HIRA: variants seen among roughly 807,000 people sequenced by gnomAD.
HIRA encodes protein HIRA.
HIRA carries 13 observed loss-of-function variants against 126.6 expected under a neutral mutation model. The observed-to-expected ratio is 0.10, with a 90% CI of 0.07 to 0.16. The LOEUF is 0.16. HIRA is among the 10% of genes least tolerant of loss of function. HIRA has a pLI of 1.00. For missense variants in HIRA, 834 were observed against 1,314.4 expected, an observed-to-expected ratio of 0.63 and a Z score of 5.65; for synonymous variants, 511 against 520.0, an observed-to-expected ratio of 0.98 and a Z score of 0.24.
rs782339260 is a variant in HIRA, at chr22:19,351,204, G to A, written c.2937+154C>T. On this transcript the variant is annotated intron_variant, in intron 24 of 24. Transcript: ENST00000263208. The surrounding 1 kb of genome is among the most constrained non-coding windows in gnomAD (Gnocchi z 4.8). ...TCCTGCCAGGTTGTGGAGGGCCGTCGGCATGTCACCCTCTCACTGATGCTG... is the reference window on the plus strand; with the variant it reads ...TCCTGCCAGGTTGTGGAGGGCCGTCAGCATGTCACCCTCTCACTGATGCTG... 7 of 985,194 alleles carry A rather than the reference G, an allele frequency of 7.1e-6. No homozygotes were observed. Among genetic ancestry groups the A allele is most frequent in the Admixed American group, 6.2e-5 (1 of 16,260 alleles). The allele number at this position is 985,194 out of a possible 1,614,324, so 61.0% of individuals were successfully genotyped here.
chr22:19,416,622 C>T (rs765269293), intron 1 of HIRA, among the ~76,000 whole-genome samples: 1 of 152,102 alleles, frequency 6.6e-6, no homozygotes, highest in Admixed American at 6.6e-5. Context: ...TATAGGCGTG[C>T]ACCACTGCAT....
chr22:19,372,263 C>T (rs1229143104), intron 15 of HIRA, among the ~76,000 whole-genome samples: 1 of 152,212 alleles, frequency 6.6e-6, no homozygotes, highest in Admixed American at 6.5e-5. Flanking sequence ...ACTATCTGAT[C>T]TTTTAATTAC....
At chr22:19,340,936 T>G (rs1299272010) in intron 24 of HIRA, among the ~76,000 whole-genome samples, 2 of 152,202 alleles carry the variant, frequency 1.3e-5, no homozygotes, top group African/African-American at 2.4e-5. Context: ...ACCATACTGC[T>G]AAGAGCAATC....
At chr22:19,391,543 G>A (rs554666141) in intron 9 of HIRA, among the ~76,000 whole-genome samples, 7 of 149,962 alleles carry the variant, frequency 4.7e-5, no homozygotes, top group Non-Finnish European at 7.4e-5. Flanking sequence ...GTGCAGTGGC[G>A]CGGTCTCAGC....
intron 1 of HIRA, among the ~76,000 whole-genome samples, chr22:19,411,313 A>G (rs2089350221): frequency 6.6e-6 from 1 of 152,162 alleles, no homozygotes; most frequent in Non-Finnish European, 1.5e-5. Flanking sequence ...TTTGTACTCT[A>G]TGTTAAATTA....
intron 24 of HIRA, among the ~76,000 whole-genome samples, chr22:19,336,888 A>G (rs1214185327): frequency 1.3e-5 from 2 of 152,238 alleles, no homozygotes; most frequent in African/African-American, 2.4e-5. Flanking sequence ...TAATCTCAAC[A>G]GCAGCCTCTG....
chr22:19,417,075 C>T lies in HIRA; in HGVS notation c.38-6297G>A, dbSNP rs748772780. 6.6e-4 allele frequency among the ~76,000 whole-genome samples: 100 copies of T among 151,898 alleles called. 1 individual carries two copies. Among genetic ancestry groups the T allele is most frequent in the Non-Finnish European group, 1.2e-3 (80 of 67,994 alleles). Reference sequence around the variant, plus strand: ...ATTAGCCAAGCGTGGTGGTGGGTGCCTGTAGTCCTATCTACTCTGGAGGCT... The same window carrying T: ...ATTAGCCAAGCGTGGTGGTGGGTGCTTGTAGTCCTATCTACTCTGGAGGCT... On this transcript the variant is annotated intron_variant, in intron 1 of 24. Coordinates refer to ENST00000263208, the MANE Select transcript of HIRA (RefSeq NM_003325.4).
intron 4 of HIRA, among the ~76,000 whole-genome samples, chr22:19,406,841 C>G (rs1316387255): frequency 6.6e-6 from 1 of 152,206 alleles, no homozygotes; most frequent in Non-Finnish European, 1.5e-5. Flanking sequence ...AGATCCTGGG[C>G]AAGAACCAGA....
intron 1 of HIRA, among the ~76,000 whole-genome samples, chr22:19,420,537 T>C (rs1398236462): frequency 6.6e-6 from 1 of 151,558 alleles, no homozygotes. Context: ...CAAAAAAGTT[T>C]TGACGAAAGG....
chr22:19,422,171 T>TATAC (rs1556028840), intron 1 of HIRA, among the ~76,000 whole-genome samples: 36 of 143,192 alleles, frequency 2.5e-4, no homozygotes, highest in South Asian at 4.6e-4. Context: ...TGTTTATATA[T>TATAC]ACACACACAC....
At chr22:19,396,170 C>T (rs900949005) in intron 7 of HIRA, among the ~76,000 whole-genome samples, 1 of 152,184 alleles carries the variant, frequency 6.6e-6, no homozygotes, top group Non-Finnish European at 1.5e-5. Flanking sequence ...TGGGAGTGAG[C>T]TGGGTGACAG....
At chr22:19,405,940 G>A in intron 4 of HIRA, 60 bp from the exon 5 acceptor site, 1 of 1,100,694 alleles carries the variant, frequency 9.1e-7, no homozygotes, top group Non-Finnish European at 1.2e-6. Flanking sequence ...GCATAGAAAT[G>A]CTCCCTGCAG....
intron 5 of HIRA, among the ~76,000 whole-genome samples, chr22:19,403,251 T>C (rs2089283839): frequency 6.6e-6 from 1 of 152,164 alleles, no homozygotes. Flanking sequence ...AACTTCCTAG[T>C]ATGTAAAGTT....
chr22:19,419,970 C>T (rs2089430457), intron 1 of HIRA, among the ~76,000 whole-genome samples: 1 of 152,200 alleles, frequency 6.6e-6, no homozygotes, highest in East Asian at 1.9e-4. Flanking sequence ...ACAATGACAT[C>T]TCATAGGTGT....
intron 23 of HIRA, 111 bp downstream of exon 23, chr22:19,353,245 A>T (rs2088776233): frequency 1.5e-6 from 2 of 1,312,516 alleles, no homozygotes; most frequent in African/African-American, 1.5e-5. Flanking sequence ...GCTGGGAGGT[A>T]GAGGCTGCTG....
chr22:19,381,761 ATATAT>A lies in HIRA; in HGVS notation c.1415+1854_1415+1858del, dbSNP rs142509927. On this transcript the variant is annotated intron_variant, in intron 13 of 24. Coordinates refer to ENST00000263208, the MANE Select transcript of HIRA (RefSeq NM_003325.4). ...TATGTTTTATCCTTGTAAGATTTTG[ATATAT>A]TATGTTCATTTCAAAATAAAAATTT... 2.9e-3 allele frequency among the ~76,000 whole-genome samples: 447 copies of A among 152,302 alleles called. 7 individuals are homozygous for A. The highest frequency in any genetic ancestry group is 9.7e-3 in the African/African-American group (404 of 41,560).
Position 19,392,305 on chromosome 22 carries a change from C to T in HIRA, c.823-91G>A. 3 of 694,378 alleles carry T rather than the reference C, an allele frequency of 4.3e-6. No individual in the cohort carries two copies. The South Asian group carries it at 5.5e-5, about 13-fold the overall frequency. The allele number at this position is 694,378 out of a possible 1,614,324, so 43.0% of individuals were successfully genotyped here. A position where few individuals can be genotyped will look rare whatever the true frequency, so the allele number is the denominator to read the frequency against. Reference sequence around the variant, plus strand: ...TCCCAGCCCACTGAAGGGAGTCTCCCACAGACATTCTCTGAGCCCAGGCAC... The same window carrying T: ...TCCCAGCCCACTGAAGGGAGTCTCCTACAGACATTCTCTGAGCCCAGGCAC... On this transcript the variant is annotated intron_variant, in intron 8 of 24. Coordinates refer to ENST00000263208, the MANE Select transcript of HIRA (RefSeq NM_003325.4).
intron 13 of HIRA, among the ~76,000 whole-genome samples, chr22:19,379,965 C>T (rs554927971): frequency 3.3e-5 from 5 of 151,990 alleles, no homozygotes; most frequent in Non-Finnish European, 7.4e-5. Flanking sequence ...CGTGCCACCA[C>T]GCCCAGCTAA....
intron 1 of HIRA, among the ~76,000 whole-genome samples, chr22:19,426,846 G>C (rs2089492200): frequency 6.6e-6 from 1 of 152,206 alleles, no homozygotes; most frequent in African/African-American, 2.4e-5. Context: ...GAGAGAATTT[G>C]CATTTTCTGA....
Sources: allele counts gnomAD v4.1 joint callset (sites outside exome capture counted in the v4.1 genomes callset), GRCh38; gene constraint gnomAD v4.1.1; non-coding constraint Gnocchi (gnomAD v3.1); transcripts MANE v1.5; gene names NCBI Gene and HGNC (gene_info 2026-07-23, HGNC 2026-07-21).